LRRC27: variants seen among roughly 807,000 people sequenced by gnomAD.
The protein encoded by LRRC27 is leucine rich repeat containing 27.
LRRC27 carries 57 observed loss-of-function variants against 55.0 expected under a neutral mutation model. The observed-to-expected ratio is 1.04, with a 90% CI of 0.84 to 1.29. The LOEUF (loss-of-function observed/expected upper bound fraction) is 1.29. LRRC27 is among the 50% of genes most tolerant of loss of function. LRRC27 has a pLI of 0.00. For missense variants in LRRC27, 721 were observed against 651.5 expected, an observed-to-expected ratio of 1.11 and a Z score of -1.16; for synonymous variants, 278 against 251.9, an observed-to-expected ratio of 1.10 and a Z score of -0.98.
In LRRC27 at chr10:132,374,053, G is replaced by A. The variant is rs533471581; in HGVS notation, c.1417-1013G>A. 3.9e-5 allele frequency among the ~76,000 whole-genome samples: 6 copies of A among 152,268 alleles called. No individual in the cohort carries two copies. Among genetic ancestry groups the A allele is most frequent in the African/African-American group, 1.4e-4 (6 of 41,532 alleles). On this transcript the variant is annotated intron_variant, in intron 10 of 10. Coordinates refer to ENST00000368614, the MANE Select transcript of LRRC27 (RefSeq NM_030626.3). The surrounding 1 kb of genome is among the most constrained non-coding windows in gnomAD (Gnocchi z 4.4). ...ACAGTTACGATATGGGGGCGGGGGAGGCTGCAGGGGTCTCCGGGGACCTGT... is the reference window on the plus strand; with the variant it reads ...ACAGTTACGATATGGGGGCGGGGGAAGCTGCAGGGGTCTCCGGGGACCTGT...
In LRRC27 at chr10:132,375,049, T is replaced by C; in HGVS notation, c.1417-17T>C. The C allele has an allele frequency of 6.3e-7, 1 of 1,598,420 alleles. No homozygotes were observed. The highest frequency in any genetic ancestry group is 1.1e-5 in the South Asian group (1 of 90,220). On this transcript the variant is annotated splice_polypyrimidine_tract_variant and intron_variant, in intron 10 of 10. Transcript: ENST00000368614. ...TGCCAGCCTTTCTAACATCTCCCCC[T>C]CCTTGTCTCCCATAAGGCCACAGAG...
chr10:132,346,607 C>T (rs558273695), intron 5 of LRRC27, among the ~76,000 whole-genome samples: 30 of 152,168 alleles, frequency 2.0e-4, no homozygotes, highest in South Asian at 2.1e-4. Context: ...ACCCGGGAGG[C>T]GGAGCCAAGA....
chr10:132,366,989 T>C, intron 10 of LRRC27: 1 of 1,245,060 alleles, frequency 8.0e-7, no homozygotes, highest in Admixed American at 2.6e-5. Context: ...GATAAACTCT[T>C]ATTCTTTCTA....
intron 9 of LRRC27, among the ~76,000 whole-genome samples, chr10:132,364,461 C>CCACGCTTACATCTACCTGCA (rs1564853479): frequency 1.5e-5 from 1 of 67,222 alleles, no homozygotes. Flanking sequence ...ACACTCACAC[C>CCACGCTTACATCTACCTGCA]CACCCACACT....
chr10:132,356,620 C>G (rs1294947402), intron 8 of LRRC27, among the ~76,000 whole-genome samples: 1 of 151,126 alleles, frequency 6.6e-6, no homozygotes, highest in Non-Finnish European at 1.5e-5. Flanking sequence ...GAGTACCGTC[C>G]CCCAAGATTG....
At chr10:132,344,785 C>G in intron 5 of LRRC27, 135 bp downstream of exon 5, 6 of 901,358 alleles carry the variant, frequency 6.7e-6, no homozygotes, top group Non-Finnish European at 9.9e-6. Context: ...TGAGTTGACA[C>G]AGTGTACACT....
Position 132,337,580 on chromosome 10 carries a change from A to G in LRRC27, c.226A>G (p.Arg76Gly), listed in dbSNP as rs1268063682. Residue 76 changes from arginine to glycine, a missense_variant, in exon 3 of 11, where the codon AGG becomes GGG. Coordinates refer to ENST00000368614, the MANE Select transcript of LRRC27 (RefSeq NM_030626.3). ...IPSLQQLHLQRNALCVIPQDF... is the reference protein window; with the variant it reads ...IPSLQQLHLQGNALCVIPQDF... Reference sequence around the variant, plus strand: ...TCCATGGAAGCAATTGCATCTGCAAAGGAATGCCCTGTGTGTGATTCCTCA... The same window carrying G: ...TCCATGGAAGCAATTGCATCTGCAAGGGAATGCCCTGTGTGTGATTCCTCA... 1 of 1,613,618 alleles carries G rather than the reference A, an allele frequency of 6.2e-7. No homozygotes were observed. Among genetic ancestry groups the G allele is most frequent in the African/African-American group, 1.3e-5 (1 of 74,916 alleles).
intron 9 of LRRC27, among the ~76,000 whole-genome samples, chr10:132,364,524 T>TA (rs1447172959): frequency 1.4e-4 from 2 of 14,810 alleles, no homozygotes; most frequent in African/African-American, 2.8e-4. Flanking sequence ...CACTCGCACT[T>TA]ACACCCACAC....
In LRRC27 at chr10:132,380,291, T is replaced by G. The variant is rs2069394472; in HGVS notation, c.*5049T>G. 8.4e-6 allele frequency among the ~76,000 whole-genome samples: 1 copy of G among 119,484 alleles called. No individual in the cohort carries two copies. Among genetic ancestry groups the G allele is most frequent in the African/African-American group, 4.7e-5 (1 of 21,356 alleles). The allele number at this position is 119,484 out of a possible 152,430, so 78.4% of individuals were successfully genotyped here. ...AGCCTGGGCAACAAGAGCAAAACTC[T>G]GTCTCAAAAAAAAAAAAATGCAGCA... is the stretch of plus-strand genomic sequence containing the variant. On this transcript the variant is annotated 3_prime_UTR_variant, in exon 11 of 11. Transcript: ENST00000368614.
chr10:132,336,519 C>T (rs779009279), intron 2 of LRRC27, among the ~76,000 whole-genome samples: 20 of 152,194 alleles, frequency 1.3e-4, no homozygotes, highest in Non-Finnish European at 2.4e-4. Context: ...ATCAGGGACA[C>T]GGTGTTGAGG....
chr10:132,356,826 T>C lies in LRRC27; in HGVS notation c.1170+940T>C, dbSNP rs145475852. On this transcript the variant is annotated intron_variant, in intron 8 of 10. Transcript: ENST00000368614. Reference sequence around the variant, plus strand: ...ATGCGCCTGGCTTGCTTCTCTGTCCTGTGAGCATAGTCAGGCAAATGTGCT... The same window carrying C: ...ATGCGCCTGGCTTGCTTCTCTGTCCCGTGAGCATAGTCAGGCAAATGTGCT... Among the ~76,000 whole-genome samples, 312 of 152,396 alleles carry C rather than the reference T, an allele frequency of 2.0e-3. 1 individual carries two copies. The highest frequency in any genetic ancestry group is 7.1e-3 in the African/African-American group (295 of 41,600).
chr10:132,336,861 G>A, intron 2 of LRRC27: 1 of 729,856 alleles, frequency 1.4e-6, no homozygotes, highest in South Asian at 1.5e-5. Context: ...ATTAATGACA[G>A]TATTGTAAAA....
intron 8 of LRRC27, among the ~76,000 whole-genome samples, chr10:132,359,911 G>A (rs889654145): frequency 2.0e-5 from 3 of 152,310 alleles, no homozygotes; most frequent in Middle Eastern, 3.4e-3. Context: ...TGTAGACTTC[G>A]CCGGTGTGTT....
At chr10:132,365,628 G>T (rs771377356) in intron 10 of LRRC27, 78 bp downstream of exon 10, 2 of 1,510,012 alleles carry the variant, frequency 1.3e-6, no homozygotes, top group South Asian at 1.3e-5. Flanking sequence ...TTGAGACAGA[G>T]TCTTGTTCTG....
chr10:132,344,360 C>G (rs1395807023), intron 4 of LRRC27, 138 bp from the exon 5 acceptor site: 3 of 879,012 alleles, frequency 3.4e-6, no homozygotes, highest in African/African-American at 3.3e-5. Flanking sequence ...AAATCTTTGA[C>G]ATCTGTTAAC....
At chr10:132,338,394 A>G (rs1182668627) in intron 3 of LRRC27, among the ~76,000 whole-genome samples, 2 of 152,228 alleles carry the variant, frequency 1.3e-5, no homozygotes, top group Non-Finnish European at 2.9e-5. Context: ...CTTGGCAAAT[A>G]GTGAGAAATT....
At chr10:132,351,803 A>G in intron 7 of LRRC27, 50 bp downstream of exon 7, 2 of 1,554,944 alleles carry the variant, frequency 1.3e-6, no homozygotes, top group South Asian at 2.3e-5. Flanking sequence ...GTGCACCCGG[A>G]ACTGGGACTG....
At chr10:132,346,801 C>T (rs1264394983) in intron 5 of LRRC27, among the ~76,000 whole-genome samples, 1 of 148,440 alleles carries the variant, frequency 6.7e-6, no homozygotes, top group Non-Finnish European at 1.5e-5. Context: ...ATGCATGTTT[C>T]TAGTCACTTG....
chr10:132,376,103 A>G lies in LRRC27; in HGVS notation c.*861A>G, dbSNP rs2069334365. On this transcript the variant is annotated 3_prime_UTR_variant, in exon 11 of 11. Coordinates refer to ENST00000368614, the MANE Select transcript of LRRC27 (RefSeq NM_030626.3). ...TTTCCTCATTTCATCCAAGTTGTGCAATGTATCAGCATAAAGTTCCTCTTA... is the reference window on the plus strand; with the variant it reads ...TTTCCTCATTTCATCCAAGTTGTGCGATGTATCAGCATAAAGTTCCTCTTA... 6.6e-6 allele frequency: 1 copy of G among 152,236 alleles called. No homozygotes were observed. Among genetic ancestry groups the G allele is most frequent in the South Asian group, 2.1e-4 (1 of 4,834 alleles). 9.4% of individuals were successfully genotyped at this position (152,236 alleles called of 1,614,324 possible).
Sources: gnomAD v4.1 joint callset for allele counts (sites outside exome capture counted in the v4.1 genomes callset) on GRCh38, gnomAD v4.1.1 for gene constraint, Gnocchi (gnomAD v3.1) non-coding constraint, MANE v1.5 for transcripts, NCBI Gene and HGNC (gene_info 2026-07-23, HGNC 2026-07-21) for gene names.